Variants in NALCN observed in about 807,000 individuals in gnomAD.
The protein encoded by NALCN is sodium leak channel NALCN.
A neutral mutation model predicts 225.3 loss-of-function variants in NALCN; 111 were observed. The observed-to-expected ratio is 0.49, with a 90% CI of 0.42 to 0.58. NALCN has a LOEUF of 0.58. Ranked by LOEUF, NALCN falls within the 20% of genes least tolerant of loss-of-function variation. The probability of loss-of-function intolerance (pLI) is 0.00; values close to 1 mark genes in which losing one functional copy is unlikely to be tolerated. For missense variants in NALCN, 1,378 were observed against 2,202.4 expected (o/e 0.63, Z 7.49); for synonymous variants, 764 against 769.0 (o/e 0.99, Z 0.11).
intron 28 of NALCN, among the ~76,000 whole-genome samples, chr13:101,093,062 C>G (rs543063143): frequency 1.1e-4 from 16 of 152,212 alleles, no homozygotes; most frequent in African/African-American, 3.6e-4. Flanking sequence ...TTATTATAAG[C>G]CTGAATACTT....
chr13:101,391,414 G>T (rs111985385), intron 3 of NALCN, among the ~76,000 whole-genome samples: 13,396 of 152,200 alleles, frequency 0.088, 1,916 homozygotes, highest in African/African-American at 0.3. Context: ...TGAACACTGT[G>T]ACTCACGCCT....
At chr13:101,283,584 A>T (rs2139006071) in intron 10 of NALCN, among the ~76,000 whole-genome samples, 1 of 152,290 alleles carries the variant, frequency 6.6e-6, no homozygotes, top group South Asian at 2.1e-4. Context: ...TTTCCCAGTT[A>T]CTCGGGGAGG....
chr13:101,103,309 G>C lies in NALCN; in HGVS notation c.2920C>G (p.Gln974Glu), dbSNP rs1018788188. The C allele has an allele frequency of 1.2e-6, 2 of 1,613,168 alleles. No homozygotes were observed. Among genetic ancestry groups the C allele is most frequent in the Non-Finnish European group, 1.7e-6 (2 of 1,179,694 alleles). Reference protein sequence around the residue: ...VSLIFLCWMPQNVPAESGAQL... With the variant: ...VSLIFLCWMPENVPAESGAQL... ...GCTCCCGATTCAGCAGGTACATTTT[G>C]AGGCATCCAACAAAGAAATATCAAG... Residue 974 changes from glutamine to glutamate, a missense_variant, in exon 26 of 44, where the codon CAA becomes GAA. Transcript: ENST00000251127.
At chr13:101,360,418 A>G (rs1440161132) in intron 6 of NALCN, among the ~76,000 whole-genome samples, 1 of 151,970 alleles carries the variant, frequency 6.6e-6, no homozygotes. Context: ...TTTTCAGTAG[A>G]GATGGGGTTC....
chr13:101,321,223 A>G (rs934654177), intron 7 of NALCN, among the ~76,000 whole-genome samples: 3 of 150,978 alleles, frequency 2.0e-5, no homozygotes, highest in Non-Finnish European at 3.0e-5. Flanking sequence ...ATAATAGACA[A>G]AAGTCAAATA....
intron 10 of NALCN, among the ~76,000 whole-genome samples, chr13:101,278,755 C>T (rs1407925443): frequency 1.3e-5 from 2 of 152,162 alleles, no homozygotes; most frequent in African/African-American, 4.8e-5. Flanking sequence ...CAAAGTCCTA[C>T]AACCTCTGCG....
intron 7 of NALCN, among the ~76,000 whole-genome samples, chr13:101,331,133 T>C (rs1250978658): frequency 1.3e-5 from 2 of 151,936 alleles, no homozygotes; most frequent in Non-Finnish European, 2.9e-5. Context: ...CAGGCCAGAG[T>C]ACCCCTGAAA....
At chr13:101,374,797 A>C (rs562260678) in intron 6 of NALCN, among the ~76,000 whole-genome samples, 2 of 152,126 alleles carry the variant, frequency 1.3e-5, no homozygotes, top group African/African-American at 4.8e-5. Context: ...CAAAATCTCT[A>C]CCTTTTTGGA....
chr13:101,065,404 C>T lies in NALCN; in HGVS notation c.4604G>A (p.Ser1535Asn). ...AGCCCTGCGAAAGCCTGCCTTGTACCTCAGGACATCATGGAAGGTGACGTC... is the reference window on the plus strand; with the variant it reads ...AGCCCTGCGAAAGCCTGCCTTGTACTTCAGGACATCATGGAAGGTGACGTC... ...GGDVTFHDVL[S>N]MLSYRSVDIR... Residue 1535 changes from serine to asparagine, a missense_variant and splice_region_variant, in exon 40 of 44, where the codon AGC becomes AAC. This residue lies in a region of NALCN where 94 missense variants were observed against 170.3 expected (regional missense o/e 0.55). Transcript: ENST00000251127. The T allele has an allele frequency of 6.2e-7, 1 of 1,614,102 alleles. No individual in the cohort carries two copies. Among genetic ancestry groups the T allele is most frequent in the Non-Finnish European group, 8.5e-7 (1 of 1,179,966 alleles).
chr13:101,195,784 C>CT (rs768473873), intron 13 of NALCN, among the ~76,000 whole-genome samples: 12 of 152,322 alleles, frequency 7.9e-5, no homozygotes, highest in Admixed American at 5.9e-4. Flanking sequence ...TTCCATCAAA[C>CT]TAGAAAGACT....
intron 7 of NALCN, among the ~76,000 whole-genome samples, chr13:101,298,023 C>A (rs892830862): frequency 2.0e-5 from 3 of 152,194 alleles, no homozygotes; most frequent in African/African-American, 7.2e-5. Context: ...GTTACTCAAC[C>A]ACTATACATG....
At chr13:101,275,363 A>G (rs1461509276) in intron 10 of NALCN, among the ~76,000 whole-genome samples, 1 of 152,228 alleles carries the variant, frequency 6.6e-6, no homozygotes, top group Non-Finnish European at 1.5e-5. Context: ...AGTGAGAGAC[A>G]GGCAGAGAAA....
intron 13 of NALCN, among the ~76,000 whole-genome samples, chr13:101,216,074 A>T (rs1364598176): frequency 1.3e-5 from 2 of 152,140 alleles, no homozygotes; most frequent in Non-Finnish European, 2.9e-5. Flanking sequence ...GACAGCTTAG[A>T]ATCTGCCTAC....
intron 10 of NALCN, among the ~76,000 whole-genome samples, chr13:101,266,041 T>C (rs143628020): frequency 6.6e-6 from 1 of 152,338 alleles, no homozygotes; most frequent in East Asian, 1.9e-4. Flanking sequence ...TTAAATCTTG[T>C]CTCTGTGCTG....
rs182045664 is a variant in NALCN at position 101,068,958 on chromosome 13, G to C, written c.4198-131C>G. The C allele has an allele frequency of 6.9e-5, 64 of 929,906 alleles. 1 individual carries two copies. The African/African-American group carries it at 8.7e-4, about 13-fold the overall frequency. 57.6% of individuals were successfully genotyped at this position (929,906 alleles called of 1,614,324 possible). ...TTAACTTCAAAGTAAGCTTTCAAAA[G>C]CCACATACATTGGGTACATCATCTG... On this transcript the variant is annotated intron_variant, in intron 37 of 43. Transcript: ENST00000251127.
At chr13:101,242,501 C>G (rs1453119417) in intron 11 of NALCN, among the ~76,000 whole-genome samples, 1 of 105,760 alleles carries the variant, frequency 9.5e-6, no homozygotes, top group African/African-American at 3.4e-5. Flanking sequence ...TACACTTCTA[C>G]CATCCCACTC....
intron 18 of NALCN, among the ~76,000 whole-genome samples, chr13:101,118,065 G>A (rs1366482650): frequency 6.6e-6 from 1 of 152,098 alleles, no homozygotes; most frequent in Middle Eastern, 3.2e-3. Flanking sequence ...GAACCCTAGT[G>A]TCAGCTACAG....
intron 10 of NALCN, among the ~76,000 whole-genome samples, chr13:101,270,637 C>T (rs2042746225): frequency 6.6e-6 from 1 of 152,140 alleles, no homozygotes; most frequent in Non-Finnish European, 1.5e-5. Context: ...AACATTAAAA[C>T]AAATGCGAAG....
At chr13:101,061,900 T>G (rs888628241) in intron 41 of NALCN, 68 bp downstream of exon 41, 1 of 1,491,204 alleles carries the variant, frequency 6.7e-7, no homozygotes, top group African/African-American at 1.4e-5. Context: ...AGCTCTTTTC[T>G]TTCATCCTCC....
Sources: gnomAD v4.1 joint callset for allele counts (sites outside exome capture counted in the v4.1 genomes callset) on GRCh38, gnomAD v4.1.1 for gene constraint, gnomAD v4.1.1 regional missense constraint, MANE v1.5 for transcripts, NCBI Gene and HGNC (gene_info 2026-07-23, HGNC 2026-07-21) for gene names.